Variants in CDK14 observed in about 807,000 individuals in gnomAD.
CDK14 encodes the protein cyclin dependent kinase 14.
In CDK14, 34 loss-of-function variants were observed where a neutral mutation model predicts 60.7. The observed-to-expected ratio is 0.56, with a 90% CI of 0.43 to 0.75. The LOEUF (loss-of-function observed/expected upper bound fraction) is 0.75, where lower values mean the gene tolerates loss of function less well. CDK14 is among the 30% of genes least tolerant of loss of function. CDK14 has a pLI of 0.00. For missense variants in CDK14, 482 were observed against 564.1 expected (o/e 0.85, Z 1.47); for synonymous variants, 197 against 203.7 (o/e 0.97, Z 0.28).
chr7:91,039,787 T>A (rs1383721179), intron 10 of CDK14, among the ~76,000 whole-genome samples: 1 of 151,982 alleles, frequency 6.6e-6, no homozygotes. Flanking sequence ...CACTGTACCC[T>A]CCTCTTAAAA....
At chr7:91,071,537 G>A (rs1348891222) in intron 11 of CDK14, among the ~76,000 whole-genome samples, 4 of 152,244 alleles carry the variant, frequency 2.6e-5, no homozygotes, top group South Asian at 2.1e-4. Context: ...CCCACGGATC[G>A]GAAGATCCCA....
At chr7:90,720,534 T>A (rs17163109) in intron 2 of CDK14, among the ~76,000 whole-genome samples, 49,855 of 152,050 alleles carry the variant, frequency 0.33, 8,493 homozygotes, top group Middle Eastern at 0.38. Context: ...TTAAGCATTG[T>A]TTACTGACCT....
Position 90,664,470 on chromosome 7 carries a change from C to T in CDK14, c.123+60221C>T, listed in dbSNP as rs191530850. ...ACCCAAAGGATTATAAATCATGCTG[C>T]CATAAAGACACATGGGCACGTATGT... On this transcript the variant is annotated intron_variant, in intron 2 of 14. Transcript: ENST00000380050. Among the ~76,000 whole-genome samples, 22 of 152,282 alleles carry T rather than the reference C, an allele frequency of 1.4e-4. No homozygotes were observed. In the East Asian group the frequency reaches 3.9e-3, roughly 27 times the overall value.
At chr7:90,640,511 G>T (rs1436776259) in intron 2 of CDK14, among the ~76,000 whole-genome samples, 1 of 151,986 alleles carries the variant, frequency 6.6e-6, no homozygotes, top group Non-Finnish European at 1.5e-5. Context: ...GTTGAAATTT[G>T]GATGGAGAGG....
At chr7:91,083,946 C>G (rs1002313885) in intron 12 of CDK14, among the ~76,000 whole-genome samples, 1 of 152,214 alleles carries the variant, frequency 6.6e-6, no homozygotes, top group African/African-American at 2.4e-5. Context: ...AGTCAAAGGC[C>G]TGACATGCAA....
intron 14 of CDK14, among the ~76,000 whole-genome samples, chr7:91,189,995 T>C (rs1802308687): frequency 6.6e-6 from 1 of 152,218 alleles, no homozygotes; most frequent in South Asian, 2.1e-4. Context: ...ATAGCAAAAC[T>C]AGCCATCTCC....
chr7:90,944,228 C>G (rs184759998), intron 8 of CDK14, among the ~76,000 whole-genome samples: 1 of 152,312 alleles, frequency 6.6e-6, no homozygotes, highest in Non-Finnish European at 1.5e-5. Flanking sequence ...ATAAATGACT[C>G]ACTTTCAAGT....
chr7:90,869,901 T>A (rs1484330301), intron 6 of CDK14, among the ~76,000 whole-genome samples: 1 of 152,212 alleles, frequency 6.6e-6, no homozygotes, highest in Non-Finnish European at 1.5e-5. Context: ...TCTTTGCCAA[T>A]GTTGCCAAAA....
At chr7:91,170,759 T>A (rs961113803) in intron 14 of CDK14, among the ~76,000 whole-genome samples, 10 of 147,530 alleles carry the variant, frequency 6.8e-5, no homozygotes, top group African/African-American at 2.6e-4. Context: ...TTTTCAATCT[T>A]TTTTTTTTTC....
chr7:91,002,319 G>C (rs1795860716), intron 10 of CDK14, among the ~76,000 whole-genome samples: 1 of 151,926 alleles, frequency 6.6e-6, no homozygotes, highest in South Asian at 2.1e-4. Context: ...CTCCACACTA[G>C]TTATATTTGC....
intron 10 of CDK14, among the ~76,000 whole-genome samples, chr7:91,028,580 C>T (rs576822547): frequency 6.6e-5 from 10 of 152,292 alleles, no homozygotes; most frequent in Non-Finnish European, 1.0e-4. Flanking sequence ...ACCCCATTCA[C>T]GCCAACACCT....
Position 91,109,561 on chromosome 7 carries a change from C to CA in CDK14, c.1155-2977dup, listed in dbSNP as rs570381972. Among the ~76,000 whole-genome samples the CA allele has an allele frequency of 3.2e-4, 48 of 152,064 alleles. 1 individual carries two copies. The East Asian group carries it at 7.9e-3, about 25-fold the overall frequency. ...TAAAGAGAAAAAAGGTAAAGGCGGA[C>CA]AAAATAGGATGCAGAATTAATCTGG... On this transcript the variant is annotated intron_variant, in intron 12 of 14. Transcript: ENST00000380050.
intron 4 of CDK14, among the ~76,000 whole-genome samples, chr7:90,784,787 T>C (rs947466836): frequency 6.6e-6 from 1 of 152,206 alleles, no homozygotes; most frequent in African/African-American, 2.4e-5. Context: ...GAATCAGAAT[T>C]GAATTTAGAT....
In CDK14 at chr7:90,778,846, A is replaced by ATTCCTTCCTTCCTTCCTT. The variant is rs1554335028; in HGVS notation, c.465-11727_465-11726insTTCCTTCCTTCCTTCCTT. Reference sequence around the variant, plus strand: ...TCCTGTGGAATGTAAAAATTGACCGACCTTCCTTCCTTCCTTCCTTCCTTC... The same window carrying ATTCCTTCCTTCCTTCCTT: ...TCCTGTGGAATGTAAAAATTGACCGATTCCTTCCTTCCTTCCTTCCTTCCTTCCTTCCTTCCTTCCTTC... On this transcript the variant is annotated intron_variant, in intron 4 of 14. Coordinates refer to ENST00000380050, the MANE Select transcript of CDK14 (RefSeq NM_001287135.2). Among the ~76,000 whole-genome samples, 186 of 127,958 alleles carry ATTCCTTCCTTCCTTCCTT rather than the reference A, an allele frequency of 1.5e-3. 2 individuals carry two copies. Among genetic ancestry groups the ATTCCTTCCTTCCTTCCTT allele is most frequent in the African/African-American group, 5.2e-3 (169 of 32,526 alleles). The allele number at this position is 127,958 out of a possible 152,430, so 83.9% of individuals were successfully genotyped here.
chr7:90,899,274 T>C lies in CDK14; in HGVS notation c.640-17T>C. 1.3e-6 allele frequency: 2 copies of C among 1,587,120 alleles called. No individual in the cohort carries two copies. The highest frequency in any genetic ancestry group is 1.7e-6 in the Non-Finnish European group (2 of 1,164,656). On this transcript the variant is annotated splice_polypyrimidine_tract_variant and intron_variant, in intron 6 of 14. Coordinates refer to ENST00000380050, the MANE Select transcript of CDK14 (RefSeq NM_001287135.2). ...TAGCCAGAGGGTTATTAATACATTTTTCCTTTTCTTTTCTAGCACACTGAT... is the reference window on the plus strand; with the variant it reads ...TAGCCAGAGGGTTATTAATACATTTCTCCTTTTCTTTTCTAGCACACTGAT...
chr7:90,974,849 A>C (rs1356791666), intron 9 of CDK14, among the ~76,000 whole-genome samples: 1 of 152,212 alleles, frequency 6.6e-6, no homozygotes, highest in East Asian at 1.9e-4. Flanking sequence ...AAATCCCAAC[A>C]GGACTTTAAT....
chr7:90,913,631 G>A (rs1183001224), intron 7 of CDK14, among the ~76,000 whole-genome samples: 1 of 152,168 alleles, frequency 6.6e-6, no homozygotes, highest in African/African-American at 2.4e-5. Flanking sequence ...AAATTCAGTG[G>A]GATTGAAGAA....
intron 6 of CDK14, among the ~76,000 whole-genome samples, chr7:90,888,707 C>A (rs746926883): frequency 6.6e-6 from 1 of 152,180 alleles, no homozygotes; most frequent in African/African-American, 2.4e-5. Flanking sequence ...TCTTTCTACC[C>A]TGACTTGGAC....
intron 1 of CDK14, among the ~76,000 whole-genome samples, chr7:90,598,951 G>T (rs1168062526): frequency 6.6e-6 from 1 of 151,906 alleles, no homozygotes; most frequent in Non-Finnish European, 1.5e-5. Context: ...TGATCCGCCC[G>T]CCTCGGCCTC....
Sources: gnomAD v4.1 joint callset for allele counts (sites outside exome capture counted in the v4.1 genomes callset) on GRCh38, gnomAD v4.1.1 for gene constraint, MANE v1.5 for transcripts, NCBI Gene and HGNC (gene_info 2026-07-23, HGNC 2026-07-21) for gene names.